The following HBS1L variants were observed in gnomAD, a reference collection of about 807,000 sequenced individuals.
HBS1L encodes HBS1 like translational GTPase.
HBS1L carries 55 observed loss-of-function variants against 88.9 expected under a neutral mutation model. The ratio of observed to expected loss-of-function variants is 0.62; its 90% CI spans 0.50 to 0.77. The LOEUF (loss-of-function observed/expected upper bound fraction) is 0.77. Among genes scored for constraint, HBS1L ranks in the 30% least tolerant of loss-of-function variants. HBS1L has a pLI of 0.00. For synonymous variants in HBS1L, 267 were observed against 288.5 expected (o/e 0.93, Z 0.76); for missense variants, 741 against 829.3 (o/e 0.89, Z 1.31).
intron 17 of HBS1L, among the ~76,000 whole-genome samples, chr6:134,965,697 T>C (rs1234637567): frequency 6.6e-6 from 1 of 152,234 alleles, no homozygotes; most frequent in Non-Finnish European, 1.5e-5. Flanking sequence ...GAAATGCATT[T>C]ATGCCGCTAA....
intron 10 of HBS1L, among the ~76,000 whole-genome samples, chr6:134,986,448 T>G (rs781284678): frequency 6.6e-6 from 1 of 152,124 alleles, no homozygotes; most frequent in Non-Finnish European, 1.5e-5. Context: ...AATTCTTCCC[T>G]ATCAGTTTCC....
intron 7 of HBS1L, among the ~76,000 whole-genome samples, chr6:134,994,220 C>T (rs1203479524): frequency 6.6e-6 from 1 of 151,962 alleles, no homozygotes; most frequent in Non-Finnish European, 1.5e-5. Flanking sequence ...TGAGAAAAGA[C>T]AAATGCAAAA....
intron 4 of HBS1L, among the ~76,000 whole-genome samples, chr6:135,014,046 G>C (rs749847471): frequency 1.8e-4 from 27 of 152,098 alleles, no homozygotes; most frequent in Non-Finnish European, 3.5e-4. Flanking sequence ...AAGGAAACAA[G>C]GGACAAGTGT....
chr6:134,980,030 G>C (rs1774781973), intron 13 of HBS1L, among the ~76,000 whole-genome samples: 1 of 151,890 alleles, frequency 6.6e-6, no homozygotes, highest in South Asian at 2.1e-4. Context: ...TTACTCAAAG[G>C]CTTTTAAAAT....
chr6:134,977,044 AT>A (rs1292076166), intron 15 of HBS1L, among the ~76,000 whole-genome samples: 5 of 152,214 alleles, frequency 3.3e-5, no homozygotes, highest in Admixed American at 1.3e-4. Flanking sequence ...AAACAGTAAA[AT>A]TTTAATAGCT....
At position 134,962,572 on chromosome 6, in the gene HBS1L, T is replaced by G. The variant is rs145636962; in HGVS notation, c.*2707A>C. 4 of 152,354 alleles carry G rather than the reference T, an allele frequency of 2.6e-5. No homozygotes were observed. Among genetic ancestry groups the G allele is most frequent in the African/African-American group, 9.6e-5 (4 of 41,588 alleles). The allele number at this position is 152,354 out of a possible 1,614,324, so 9.4% of individuals were successfully genotyped here. The stretch of plus-strand genomic sequence containing the variant: ...ATTTCTCACAGTAGAGAGGCTCAAT[T>G]GTCATGAATGTGTGAATAATACTAA... On this transcript the variant is annotated 3_prime_UTR_variant, in exon 18 of 18. Transcript: ENST00000367837.
chr6:135,042,666 G>A (rs1776776507), intron 2 of HBS1L, among the ~76,000 whole-genome samples: 1 of 151,840 alleles, frequency 6.6e-6, no homozygotes, highest in African/African-American at 2.4e-5. Flanking sequence ...AAAATTAGCT[G>A]GGCGTGGCAG....
rs528077080 is a variant in HBS1L at position 135,021,050 on chromosome 6, G to C, written c.431-18208C>G. On this transcript the variant is annotated intron_variant, in intron 4 of 17. Coordinates refer to ENST00000367837, the MANE Select transcript of HBS1L (RefSeq NM_006620.4). ...GTATTAGAAACATATTGCTGTGAAT[G>C]CTGGTTCTATCCTTTACTGGTTTTG... is the stretch of plus-strand genomic sequence containing the variant. Among the ~76,000 whole-genome samples, 7 of 152,114 alleles carry C rather than the reference G, an allele frequency of 4.6e-5. No homozygotes were observed. The South Asian group carries it at 8.3e-4, about 18-fold the overall frequency.
intron 2 of HBS1L, among the ~76,000 whole-genome samples, chr6:135,044,526 A>T (rs1490095811): frequency 6.6e-6 from 1 of 152,228 alleles, no homozygotes; most frequent in Non-Finnish European, 1.5e-5. Context: ...AACTTTTTTC[A>T]CATTACAAAT....
rs1334953635 is a variant in HBS1L, at chr6:134,964,585, T to C, written c.*694A>G. 6.6e-6 allele frequency: 1 copy of C among 152,214 alleles called. No individual in the cohort carries two copies. Among genetic ancestry groups the C allele is most frequent in the Non-Finnish European group, 1.5e-5 (1 of 68,042 alleles). 9.4% of individuals were successfully genotyped at this position (152,214 alleles called of 1,614,324 possible). A position where few individuals can be genotyped will look rare whatever the true frequency, so the allele number is the denominator to read the frequency against. The stretch of plus-strand genomic sequence containing the variant: ...ACCCCTAAATCATATTTACTGTTAG[T>C]GGCAGAGAATCTCATAAATGTCTAA... On this transcript the variant is annotated 3_prime_UTR_variant, in exon 18 of 18. Transcript: ENST00000367837.
chr6:135,019,179 T>C lies in HBS1L; in HGVS notation c.431-16337A>G, dbSNP rs142133833. Reference sequence around the variant, plus strand: ...AACTGTGGCATAGTGTTAAGTAATTTGCTAAAGGCCACACAGCTAGTAGTT... The same window carrying C: ...AACTGTGGCATAGTGTTAAGTAATTCGCTAAAGGCCACACAGCTAGTAGTT... On this transcript the variant is annotated intron_variant, in intron 4 of 17. Coordinates refer to ENST00000367837, the MANE Select transcript of HBS1L (RefSeq NM_006620.4). Among the ~76,000 whole-genome samples the C allele has an allele frequency of 1.8e-3, 268 of 152,050 alleles. 1 individual carries two copies. The highest frequency in any genetic ancestry group is 3.3e-3 in the Non-Finnish European group (223 of 67,824).
chr6:135,023,334 C>T (rs2114861049), intron 4 of HBS1L, among the ~76,000 whole-genome samples: 1 of 152,194 alleles, frequency 6.6e-6, no homozygotes, highest in South Asian at 2.1e-4. Context: ...GTCCCAGCTA[C>T]TTGGGAGGCT....
intron 8 of HBS1L, among the ~76,000 whole-genome samples, chr6:134,991,219 C>T (rs1194878644): frequency 6.6e-6 from 1 of 152,162 alleles, no homozygotes; most frequent in African/African-American, 2.4e-5. Flanking sequence ...TCTATGAATG[C>T]TTAAGTCCCT....
chr6:135,010,315 T>C (rs1282003975), intron 4 of HBS1L, among the ~76,000 whole-genome samples: 1 of 152,184 alleles, frequency 6.6e-6, no homozygotes, highest in African/African-American at 2.4e-5. Context: ...CTCACAATGA[T>C]ATAATACATA....
chr6:134,979,786 C>G (rs1197219085), intron 13 of HBS1L, among the ~76,000 whole-genome samples: 2 of 152,022 alleles, frequency 1.3e-5, no homozygotes, highest in African/African-American at 4.8e-5. Flanking sequence ...AAGCGGTCCT[C>G]TCAGCAGGCC....
intron 4 of HBS1L, among the ~76,000 whole-genome samples, chr6:135,024,694 T>G (rs1026254639): frequency 4.6e-5 from 7 of 151,850 alleles, no homozygotes; most frequent in Non-Finnish European, 1.0e-4. Flanking sequence ...AATAACATTT[T>G]AAGGTTATAT....
At chr6:135,019,153 A>G (rs1230963409) in intron 4 of HBS1L, among the ~76,000 whole-genome samples, 1 of 151,974 alleles carries the variant, frequency 6.6e-6, no homozygotes, top group Admixed American at 6.6e-5. Flanking sequence ...GCAAATGAGG[A>G]AACTGTGGCA....
intron 8 of HBS1L, among the ~76,000 whole-genome samples, chr6:134,990,591 TGA>T (rs2114791122): frequency 6.6e-6 from 1 of 152,330 alleles, no homozygotes; most frequent in South Asian, 2.1e-4. Flanking sequence ...TTTTGTTTTT[TGA>T]GGCAGGGTCT....
intron 5 of HBS1L, among the ~76,000 whole-genome samples, chr6:135,000,841 C>A (rs930188032): frequency 1.3e-5 from 2 of 152,148 alleles, no homozygotes; most frequent in African/African-American, 2.4e-5. Flanking sequence ...GAGAATCACA[C>A]TACGTAGAAA....
Sources: gnomAD v4.1 joint callset for allele counts (sites outside exome capture counted in the v4.1 genomes callset) on GRCh38, gnomAD v4.1.1 for gene constraint, MANE v1.5 for transcripts, NCBI Gene and HGNC (gene_info 2026-07-23, HGNC 2026-07-21) for gene names.